Variants in ATP11A observed in about 807,000 individuals in gnomAD.
The protein encoded by ATP11A is phospholipid-transporting ATPase IH.
ATP11A carries 81 observed loss-of-function variants against 154.4 expected under a neutral mutation model. The observed-to-expected ratio is 0.52, with a 90% CI of 0.44 to 0.63. ATP11A has a LOEUF of 0.63. Among genes scored for constraint, ATP11A ranks in the 30% least tolerant of loss-of-function variants. ATP11A has a pLI of 0.00. For missense variants in ATP11A, 1,316 were observed against 1,474.3 expected (o/e 0.89, Z 1.76); for synonymous variants, 623 against 585.9 (o/e 1.06, Z -0.91).
Position 112,785,206 on chromosome 13 carries a change from A to G in ATP11A, c.111A>G (p.Ala37=). The change falls in exon 2 of 30, where the codon GCA becomes GCG. Residue 37 remains alanine (A), a synonymous_variant. Transcript: ENST00000375645. The surrounding 1 kb of genome is among the most constrained non-coding windows in gnomAD (Gnocchi z 4.8). ...YVGHREPPPG[A]EAYIPQRYPD... is the part of the protein sequence containing the mutation. ...GACACAGGGAGCCACCTCCGGGCGC[A>G]GAGGCCTACATCCCACAGAGATACC... The G allele has an allele frequency of 6.3e-7, 1 of 1,579,322 alleles. No individual in the cohort carries two copies. Among genetic ancestry groups the G allele is most frequent in the Non-Finnish European group, 8.6e-7 (1 of 1,163,554 alleles).
rs1366358047 is a variant in ATP11A, at chr13:112,886,929, A to G, written c.*5063A>G. The G allele has an allele frequency of 3.3e-5, 5 of 152,276 alleles. No individual in the cohort carries two copies. The highest frequency in any genetic ancestry group is 7.3e-5 in the Non-Finnish European group (5 of 68,050). The allele number at this position is 152,276 out of a possible 1,614,324, so 9.4% of individuals were successfully genotyped here. A position where few individuals can be genotyped will look rare whatever the true frequency, so the allele number is the denominator to read the frequency against. ...TAACATAAATCAGTCTCCACACAGT[A>G]ACATTTAACTGATAATTCATTAATC... is the stretch of plus-strand genomic sequence containing the variant. On this transcript the variant is annotated 3_prime_UTR_variant, in exon 30 of 30. Coordinates refer to ENST00000375645, the MANE Select transcript of ATP11A (RefSeq NM_015205.3).
chr13:112,853,457 T>C (rs1208972258), intron 18 of ATP11A, among the ~76,000 whole-genome samples: 1 of 152,174 alleles, frequency 6.6e-6, no homozygotes, highest in African/African-American at 2.4e-5. Flanking sequence ...TTTCATACTT[T>C]CTAGAAGCAT....
chr13:112,761,110 C>T (rs776027833), intron 1 of ATP11A, among the ~76,000 whole-genome samples: 27 of 152,118 alleles, frequency 1.8e-4, no homozygotes, highest in African/African-American at 3.6e-4. Flanking sequence ...AGGCTGCGGA[C>T]GCTCCCCACC....
intron 1 of ATP11A, among the ~76,000 whole-genome samples, chr13:112,730,149 A>C (rs188253523): frequency 6.6e-6 from 1 of 152,186 alleles, no homozygotes; most frequent in Non-Finnish European, 1.5e-5. Flanking sequence ...CACGGACCAC[A>C]TGGGAGCCGT....
At chr13:112,692,392 G>A (rs886156731) in intron 1 of ATP11A, among the ~76,000 whole-genome samples, 5 of 152,182 alleles carry the variant, frequency 3.3e-5, no homozygotes, top group African/African-American at 1.2e-4. Context: ...CCCCTTCCCA[G>A]CCGGTTTCTG....
intron 1 of ATP11A, among the ~76,000 whole-genome samples, chr13:112,781,784 C>CAAAAAAAAAAAA (rs748401969): frequency 9.9e-6 from 1 of 101,338 alleles, no homozygotes; most frequent in Non-Finnish European, 2.0e-5. Context: ...TTTCACTTTG[C>CAAAAAAAAAAAA]AAAAAAAAAA....
At chr13:112,849,205 A>G (rs114136414) in intron 17 of ATP11A, among the ~76,000 whole-genome samples, 1,871 of 152,304 alleles carry the variant, frequency 0.012, 29 homozygotes, top group African/African-American at 0.043. Context: ...GTCGTGGTGT[A>G]TGATCCTCTA....
At chr13:112,819,451 C>A in intron 7 of ATP11A, 44 bp downstream of exon 7, 1 of 1,546,790 alleles carries the variant, frequency 6.5e-7, no homozygotes, top group Non-Finnish European at 8.9e-7. Flanking sequence ...TTTTTATGCC[C>A]TCAACATTGC....
rs1034178254 is a variant in ATP11A, at chr13:112,807,960, G to A, written c.333+1667G>A. On this transcript the variant is annotated intron_variant, in intron 4 of 29. Transcript: ENST00000375645. This position sits in a 1 kb window ranked among gnomAD's most constrained non-coding sequence, Gnocchi z 4.5. The stretch of plus-strand genomic sequence containing the variant: ...CGTCCTCTTCTCTGCATTTGTTAAG[G>A]ATTCCATCCCTCCCGGGACTCTACT... 1.3e-5 allele frequency among the ~76,000 whole-genome samples: 2 copies of A among 152,114 alleles called. No homozygotes were observed. The highest frequency in any genetic ancestry group is 4.8e-5 in the African/African-American group (2 of 41,424).
chr13:112,875,254 C>T lies in ATP11A; in HGVS notation c.3162-522C>T, dbSNP rs750493187. ...GTGAAAGGCGATCAGGAAACGTTAC[C>T]GGAAGGCACGTATAGACGTGGACCT... On this transcript the variant is annotated intron_variant, in intron 27 of 29. Coordinates refer to ENST00000375645, the MANE Select transcript of ATP11A (RefSeq NM_015205.3). The surrounding 1 kb of genome is among the most constrained non-coding windows in gnomAD (Gnocchi z 4.1). Among the ~76,000 whole-genome samples the T allele has an allele frequency of 3.3e-5, 5 of 152,166 alleles. No homozygotes were observed. The highest frequency in any genetic ancestry group is 2.1e-4 in the South Asian group (1 of 4,824).
At chr13:112,806,423 T>A in intron 4 of ATP11A, 130 bp downstream of exon 4, 1 of 696,734 alleles carries the variant, frequency 1.4e-6, no homozygotes, top group Non-Finnish European at 2.5e-6. Context: ...AGAAATTCAT[T>A]TTTATAACTG....
At chr13:112,742,470 G>T (rs913628973) in intron 1 of ATP11A, among the ~76,000 whole-genome samples, 1 of 152,210 alleles carries the variant, frequency 6.6e-6, no homozygotes, top group Non-Finnish European at 1.5e-5. Flanking sequence ...CTTATGACAG[G>T]TGCTGTCTGA....
chr13:112,780,642 C>T (rs2140004749), intron 1 of ATP11A, among the ~76,000 whole-genome samples: 1 of 152,214 alleles, frequency 6.6e-6, no homozygotes, highest in South Asian at 2.1e-4. Context: ...TTCCTTTGGT[C>T]GGTTTGTGTC....
At chr13:112,855,726 C>T (rs976323945) in intron 19 of ATP11A, among the ~76,000 whole-genome samples, 185 bp from the exon 20 acceptor site, 3 of 152,214 alleles carry the variant, frequency 2.0e-5, no homozygotes, top group African/African-American at 7.2e-5. Context: ...TCATAAAATA[C>T]ACTCTTAAAT....
intron 21 of ATP11A, 88 bp downstream of exon 21, chr13:112,858,008 C>T (rs2079981695): frequency 6.4e-7 from 1 of 1,563,430 alleles, no homozygotes; most frequent in Non-Finnish European, 8.8e-7. Context: ...CAGGTGCATT[C>T]AGGACACCCC....
chr13:112,692,476 C>T (rs1359246533), intron 1 of ATP11A, among the ~76,000 whole-genome samples: 2 of 152,170 alleles, frequency 1.3e-5, no homozygotes, highest in Non-Finnish European at 1.5e-5. Context: ...AGGCCTTCAG[C>T]TGTTTTCTGT....
Position 112,858,576 on chromosome 13 carries a change from C to T in ATP11A, c.2667+286C>T, listed in dbSNP as rs945326355. On this transcript the variant is annotated intron_variant, in intron 22 of 29. Transcript: ENST00000375645. ...TTAAATTGCATGCCATTCCGAGCAG[C>T]GTGATGAAGTCTCACGCCGTCCTGC... 19 of 285,064 alleles carry T rather than the reference C, an allele frequency of 6.7e-5. No homozygotes were observed. In the South Asian group the frequency reaches 7.7e-4, roughly 12 times the overall value. 17.7% of individuals were successfully genotyped at this position (285,064 alleles called of 1,614,324 possible).
At chr13:112,881,769 CCCG>C in intron 29 of ATP11A, 104 bp from the exon 30 acceptor site, 1 of 1,353,424 alleles carries the variant, frequency 7.4e-7, no homozygotes, top group Non-Finnish European at 9.9e-7. Flanking sequence ...CCCAGGCAGC[CCCG>C]TGGGTATCCC....
At position 112,690,515 on chromosome 13, in the gene ATP11A, G is replaced by T; in HGVS notation, c.39+60G>T. 7.9e-7 allele frequency: 1 copy of T among 1,264,700 alleles called. No individual in the cohort carries two copies. The allele number at this position is 1,264,700 out of a possible 1,614,324, so 78.3% of individuals were successfully genotyped here. On this transcript the variant is annotated intron_variant, in intron 1 of 29. Coordinates refer to ENST00000375645, the MANE Select transcript of ATP11A (RefSeq NM_015205.3). This position sits in a 1 kb window ranked among gnomAD's most constrained non-coding sequence, Gnocchi z 5.6. ...GACCAGACAGACGCGGGCCGGCCCCGCAGCCCGGACCCTGTGGCCGGTCCA... is the reference window on the plus strand; with the variant it reads ...GACCAGACAGACGCGGGCCGGCCCCTCAGCCCGGACCCTGTGGCCGGTCCA...
Sources: gnomAD v4.1 joint callset for allele counts (sites outside exome capture counted in the v4.1 genomes callset) on GRCh38, gnomAD v4.1.1 for gene constraint, Gnocchi (gnomAD v3.1) non-coding constraint, MANE v1.5 for transcripts, NCBI Gene and HGNC (gene_info 2026-07-23, HGNC 2026-07-21) for gene names.